Variants in CSNK1G2 observed in about 807,000 individuals in gnomAD.
CSNK1G2 encodes the protein casein kinase I isoform gamma-2.
In CSNK1G2, 11 loss-of-function variants were observed where a neutral mutation model predicts 48.0. The observed-to-expected ratio is 0.23, with a 90% CI of 0.14 to 0.38. CSNK1G2 has a LOEUF of 0.38. CSNK1G2 is among the 10% of genes least tolerant of loss of function. The pLI, the probability that CSNK1G2 is intolerant of heterozygous loss-of-function variation, is 1.00. For synonymous variants in CSNK1G2, 337 were observed against 254.1 expected (o/e 1.33, Z -3.10); for missense variants, 446 against 595.5 (o/e 0.75, Z 2.61).
At chr19:1,963,203 C>T (rs1477273064) in intron 1 of CSNK1G2, among the ~76,000 whole-genome samples, 1 of 152,056 alleles carries the variant, frequency 6.6e-6, no homozygotes, top group African/African-American at 2.4e-5. Flanking sequence ...ATAAAATATA[C>T]AGTACTCTCG....
chr19:1,950,587 C>T (rs1439650988), intron 1 of CSNK1G2, among the ~76,000 whole-genome samples: 2 of 146,666 alleles, frequency 1.4e-5, no homozygotes, highest in Non-Finnish European at 3.0e-5. Flanking sequence ...TTGTCTGAGG[C>T]CTCTGGGAGA....
intron 2 of CSNK1G2, among the ~76,000 whole-genome samples, chr19:1,974,910 C>T (rs1599327148): frequency 6.6e-6 from 1 of 152,328 alleles, no homozygotes; most frequent in South Asian, 2.1e-4. Flanking sequence ...GCCCCGTGGG[C>T]TCTCCTGCCC....
chr19:1,942,547 G>A (rs2014406427), intron 1 of CSNK1G2: 1 of 152,374 alleles, frequency 6.6e-6, no homozygotes, highest in Non-Finnish European at 1.5e-5. Context: ...ACATGCAGGA[G>A]CCTTCTTGGT....
intron 1 of CSNK1G2, among the ~76,000 whole-genome samples, chr19:1,965,172 G>C (rs779700133): frequency 6.7e-6 from 1 of 149,416 alleles, no homozygotes. Flanking sequence ...AAGGCGGGCA[G>C]ATCACGAGGT....
At chr19:1,965,927 G>C (rs1427652485) in intron 1 of CSNK1G2, among the ~76,000 whole-genome samples, 4 of 152,154 alleles carry the variant, frequency 2.6e-5, no homozygotes, top group African/African-American at 4.8e-5. Context: ...CTCCTAAGTA[G>C]CTAGGACCAC....
intron 2 of CSNK1G2, chr19:1,975,261 G>A: frequency 4.1e-6 from 4 of 985,490 alleles, no homozygotes; most frequent in Non-Finnish European, 4.8e-6. Flanking sequence ...AGCCACAGCT[G>A]GATGATACAT....
At position 1,979,309 on chromosome 19, in the gene CSNK1G2, A is replaced by AC; in HGVS notation, c.769-5dup. 6.3e-7 allele frequency: 1 copy of AC among 1,593,752 alleles called. No homozygotes were observed. The highest frequency in any genetic ancestry group is 1.1e-5 in the South Asian group (1 of 87,904). On this transcript the variant is annotated splice_polypyrimidine_tract_variant and intron_variant, in intron 7 of 11. Transcript: ENST00000255641. Reference sequence around the variant, plus strand: ...AGGGCGGGAGCAAGGCTGACCACAGACCCCCGCAGGCCGACACGCTCAAGG... The same window carrying AC: ...AGGGCGGGAGCAAGGCTGACCACAGACCCCCCGCAGGCCGACACGCTCAAGG...
In CSNK1G2 at chr19:1,979,955, G is replaced by T. The variant is rs1355676500; in HGVS notation, c.1131G>T (p.Thr377=). ...GGGAGCTGAATGCGGACGACCCCAC[G>T]GCCGGCCACTCCAACGCCCCGATCA... ...TNGELNADDP[T]AGHSNAPITA... Residue 377 remains threonine (T), a synonymous_variant, in exon 11 of 12, where the codon ACG becomes ACT. Coordinates refer to ENST00000255641, the MANE Select transcript of CSNK1G2 (RefSeq NM_001319.7). The T allele has an allele frequency of 6.3e-7, 1 of 1,598,234 alleles. No individual in the cohort carries two copies. Among genetic ancestry groups the T allele is most frequent in the Non-Finnish European group, 8.5e-7 (1 of 1,171,672 alleles).
intron 2 of CSNK1G2, among the ~76,000 whole-genome samples, chr19:1,970,737 C>G (rs534981817): frequency 6.6e-6 from 1 of 152,204 alleles, no homozygotes; most frequent in Non-Finnish European, 1.5e-5. Flanking sequence ...GGGCATTTGG[C>G]GTCTGTTGCT....
rs1049326692 is a variant in CSNK1G2 at position 1,981,089 on chromosome 19, G to C, written c.*886G>C. The stretch of plus-strand genomic sequence containing the variant: ...GGAGACAAAACGCCTTAAAGCCCCC[G>C]GCCCAGCCCTGCAGGTATATTGCAG... On this transcript the variant is annotated 3_prime_UTR_variant, in exon 12 of 12. Transcript: ENST00000255641. 6.6e-6 allele frequency: 1 copy of C among 152,226 alleles called. No individual in the cohort carries two copies. The highest frequency in any genetic ancestry group is 2.4e-5 in the African/African-American group (1 of 41,464). The allele number at this position is 152,226 out of a possible 1,614,324, so 9.4% of individuals were successfully genotyped here. A position where few individuals can be genotyped will look rare whatever the true frequency, so the allele number is the denominator to read the frequency against.
At position 1,978,828 on chromosome 19, in the gene CSNK1G2, G is replaced by T. The variant is rs2015859609; in HGVS notation, c.448-31G>T. On this transcript the variant is annotated intron_variant, in intron 5 of 11. Coordinates refer to ENST00000255641, the MANE Select transcript of CSNK1G2 (RefSeq NM_001319.7). The surrounding 1 kb of genome is among the most constrained non-coding windows in gnomAD (Gnocchi z 7.3). ...AGGGGAGCGCGTGGGACGGGGAGGG[G>T]CCCGGCCGACACCGCCGTGCCCCCC... 6.3e-7 allele frequency: 1 copy of T among 1,592,266 alleles called. No individual in the cohort carries two copies. Among genetic ancestry groups the T allele is most frequent in the African/African-American group, 1.3e-5 (1 of 74,414 alleles).
intron 2 of CSNK1G2, among the ~76,000 whole-genome samples, chr19:1,971,024 G>A (rs1006118226): frequency 7.2e-5 from 11 of 152,196 alleles, no homozygotes; most frequent in African/African-American, 2.7e-4. Flanking sequence ...GGGCTGTGGC[G>A]GCCTGGACCC....
intron 1 of CSNK1G2, among the ~76,000 whole-genome samples, chr19:1,943,024 G>T (rs781554209): frequency 9.9e-5 from 15 of 152,148 alleles, no homozygotes; most frequent in Admixed American, 3.3e-4. Flanking sequence ...CTCCTGCACA[G>T]ACGAGAGGGA....
rs114280197 is a variant in CSNK1G2, at chr19:1,978,004, C to T, written c.188-301C>T. On this transcript the variant is annotated intron_variant, in intron 2 of 11. Coordinates refer to ENST00000255641, the MANE Select transcript of CSNK1G2 (RefSeq NM_001319.7). This position sits in a 1 kb window ranked among gnomAD's most constrained non-coding sequence, Gnocchi z 7.3. The stretch of plus-strand genomic sequence containing the variant: ...GGAGCCCTTGGGGCTGCCTGCAGGC[C>T]GTGAGAGACCTCCCCAGTGCCGCTT... Among the ~76,000 whole-genome samples the T allele has an allele frequency of 4.4e-3, 624 of 141,406 alleles. 5 individuals carry two copies. The highest frequency in any genetic ancestry group is 0.015 in the African/African-American group (591 of 39,432). The allele number at this position is 141,406 out of a possible 152,430, so 92.8% of individuals were successfully genotyped here. A position where few individuals can be genotyped will look rare whatever the true frequency, so the allele number is the denominator to read the frequency against.
chr19:1,971,833 A>G (rs1164726519), intron 2 of CSNK1G2, among the ~76,000 whole-genome samples: 2 of 144,922 alleles, frequency 1.4e-5, no homozygotes, highest in Non-Finnish European at 3.0e-5. Flanking sequence ...GCAGTGGCGC[A>G]ATCTCGGCTC....
intron 2 of CSNK1G2, among the ~76,000 whole-genome samples, chr19:1,972,677 C>T (rs529014497): frequency 1.3e-5 from 2 of 152,186 alleles, no homozygotes; most frequent in Non-Finnish European, 2.9e-5. Context: ...GCCTGGAGTG[C>T]AGTGGCACCA....
Position 1,979,740 on chromosome 19 carries a change from C to T in CSNK1G2, c.1003-12C>T, listed in dbSNP as rs1260293803. The T allele has an allele frequency of 1.2e-6, 2 of 1,605,052 alleles. No homozygotes were observed. Among genetic ancestry groups the T allele is most frequent in the Admixed American group, 1.7e-5 (1 of 59,870 alleles). On this transcript the variant is annotated splice_polypyrimidine_tract_variant and intron_variant, in intron 9 of 11. Coordinates refer to ENST00000255641, the MANE Select transcript of CSNK1G2 (RefSeq NM_001319.7). ...CTGCAGCCCATCCTGACCCCTGCTC[C>T]CTCACCCACAGCCGACCCCCATCGG...
At chr19:1,950,315 A>AT (rs2014718020) in intron 1 of CSNK1G2, among the ~76,000 whole-genome samples, 1 of 147,994 alleles carries the variant, frequency 6.8e-6, no homozygotes. Flanking sequence ...AATTGTTTGT[A>AT]TTTTTAGTAG....
At position 1,951,295 on chromosome 19, in the gene CSNK1G2, C is replaced by T. The variant is rs546970944; in HGVS notation, c.-266+9877C>T. 5.8e-4 allele frequency among the ~76,000 whole-genome samples: 84 copies of T among 144,270 alleles called. 12 individuals carry two copies. Among genetic ancestry groups the T allele is most frequent in the African/African-American group, 1.9e-3 (72 of 37,432 alleles). 94.6% of individuals were successfully genotyped at this position (144,270 alleles called of 152,430 possible). On this transcript the variant is annotated intron_variant, in intron 1 of 11. Coordinates refer to ENST00000255641, the MANE Select transcript of CSNK1G2 (RefSeq NM_001319.7). ...GCGGGCGCCTGTAGTCCCAGCTACT[C>T]GGGAGGCTGAGGCAGGAGAATGGCG... is the stretch of plus-strand genomic sequence containing the variant.
Sources: gnomAD v4.1 joint callset for allele counts (sites outside exome capture counted in the v4.1 genomes callset) on GRCh38, gnomAD v4.1.1 for gene constraint, Gnocchi (gnomAD v3.1) non-coding constraint, MANE v1.5 for transcripts, NCBI Gene and HGNC (gene_info 2026-07-23, HGNC 2026-07-21) for gene names.